The following STARD13 variants were observed in gnomAD, a reference collection of about 807,000 sequenced individuals.
The protein encoded by STARD13 is StAR related lipid transfer domain containing 13.
STARD13 carries 62 observed loss-of-function variants against 106.4 expected under a neutral mutation model. The observed-to-expected ratio is 0.58, with a 90% CI of 0.48 to 0.72. The LOEUF (loss-of-function observed/expected upper bound fraction) is 0.72. Among genes scored for constraint, STARD13 ranks in the 30% least tolerant of loss-of-function variants. The pLI, the probability that STARD13 is intolerant of heterozygous loss-of-function variation, is 0.00. For synonymous variants in STARD13, 565 were observed against 553.0 expected (o/e 1.02, Z -0.31); for missense variants, 1,387 against 1,424.0 (o/e 0.97, Z 0.42).
chr13:33,423,859 C>T, the STARD13 span, among the ~76,000 whole-genome samples: 5 of 152,164 alleles, frequency 3.3e-5, no homozygotes, highest in Non-Finnish European at 5.9e-5. Flanking sequence ...AAACCAAACA[C>T]GGCATGTTCT....
the STARD13 span, among the ~76,000 whole-genome samples, chr13:33,449,662 A>G: frequency 2.6e-5 from 4 of 152,184 alleles, no homozygotes; most frequent in African/African-American, 9.6e-5. Context: ...ATTTGTTAGC[A>G]ATTGCATTGA....
chr13:33,543,467 C>T, the STARD13 span, among the ~76,000 whole-genome samples: 4 of 152,150 alleles, frequency 2.6e-5, no homozygotes, highest in South Asian at 8.3e-4. Context: ...AAAATCAACA[C>T]ATTTTCCTTT....
At chr13:33,277,152 A>G (rs1208118581) in intron 1 of STARD13, 1 of 152,040 alleles carries the variant, frequency 6.6e-6, no homozygotes, top group African/African-American at 2.4e-5. Flanking sequence ...AATGACCACC[A>G]TGGTCTTGAG....
At chr13:33,353,004 A>T (rs1346372374), upstream of STARD13, among the ~76,000 whole-genome samples, 1 of 152,112 alleles carries the variant, frequency 6.6e-6, no homozygotes, top group African/African-American at 2.4e-5. Flanking sequence ...ATCGCAGCGG[A>T]AGAGGTGTTG....
At chr13:33,113,570 T>C (rs41292183) in intron 8 of STARD13, 208 of 516,596 alleles carry the variant, frequency 4.0e-4, no homozygotes, top group Admixed American at 9.6e-4. Context: ...TCCCAGGACT[T>C]GCTTTGCAGG....
chr13:33,207,568 G>A (rs1329619805), intron 1 of STARD13, among the ~76,000 whole-genome samples: 2 of 152,178 alleles, frequency 1.3e-5, no homozygotes, highest in African/African-American at 4.8e-5. Flanking sequence ...CTGAGTAACT[G>A]AAAAGTAACA....
At position 33,212,997 on chromosome 13, in the gene STARD13, C is replaced by T. The variant is rs917772499; in HGVS notation, c.170-45375G>A. 7.2e-5 allele frequency among the ~76,000 whole-genome samples: 11 copies of T among 152,282 alleles called. No homozygotes were observed. The South Asian group carries it at 2.3e-3, about 32-fold the overall frequency. On this transcript the variant is annotated intron_variant, in intron 1 of 13. Transcript: ENST00000336934. ...GCTACGTTCTTGTTTTGAAGCAAAT[C>T]AAGGCAATGTACTTGCTAGTTGAGT...
chr13:33,541,489 G>A, the STARD13 span, among the ~76,000 whole-genome samples: 16 of 152,110 alleles, frequency 1.1e-4, no homozygotes, highest in Non-Finnish European at 1.5e-4. Context: ...TACTCCTCAC[G>A]TCACAGCAGC....
chr13:33,592,374 GTTATTTCAGACCTGAGA>G, the STARD13 span, among the ~76,000 whole-genome samples: 1 of 152,150 alleles, frequency 6.6e-6, no homozygotes, highest in East Asian at 1.9e-4. Flanking sequence ...GGCCCAACAG[GTTATTTCAGACCTGAGA>G]TCTGGAGGAT....
chr13:33,532,025 C>T, the STARD13 span, among the ~76,000 whole-genome samples: 2 of 152,224 alleles, frequency 1.3e-5, no homozygotes, highest in South Asian at 4.1e-4. Context: ...ATACTATTTT[C>T]TCTTCCTCTT....
At chr13:33,204,439 G>A (rs1338332432) in intron 1 of STARD13, among the ~76,000 whole-genome samples, 1 of 152,150 alleles carries the variant, frequency 6.6e-6, no homozygotes, top group East Asian at 1.9e-4. Flanking sequence ...CTAAGCTAAT[G>A]AAAAGACAGT....
At chr13:33,241,901 T>A (rs1257178419) in intron 1 of STARD13, among the ~76,000 whole-genome samples, 1 of 152,136 alleles carries the variant, frequency 6.6e-6, no homozygotes, top group Non-Finnish European at 1.5e-5. Flanking sequence ...AACCTCCACC[T>A]CCCAGCCGCC....
chr13:33,475,961 T>C, the STARD13 span, among the ~76,000 whole-genome samples: 3 of 150,020 alleles, frequency 2.0e-5, no homozygotes, highest in African/African-American at 4.9e-5. Flanking sequence ...GTCTCAAAAA[T>C]AAAAAAAAGA....
the STARD13 span, among the ~76,000 whole-genome samples, chr13:33,591,081 T>C: frequency 6.6e-6 from 1 of 152,266 alleles, no homozygotes; most frequent in Non-Finnish European, 1.5e-5. Flanking sequence ...CTTGCCTGGC[T>C]CTTGCCAGTA....
chr13:33,473,552 T>C, the STARD13 span, among the ~76,000 whole-genome samples: 1 of 152,174 alleles, frequency 6.6e-6, no homozygotes, highest in African/African-American at 2.4e-5. Flanking sequence ...GTCATCTCAG[T>C]GATTGGCTTT....
At chr13:33,473,871 C>T in the STARD13 span, among the ~76,000 whole-genome samples, 2 of 152,262 alleles carry the variant, frequency 1.3e-5, no homozygotes, top group African/African-American at 2.4e-5. Flanking sequence ...CTGCTCCTCT[C>T]GATTTGGGAA....
At chr13:33,158,460 C>G (rs1358492031) in intron 3 of STARD13, 1 of 152,228 alleles carries the variant, frequency 6.6e-6, no homozygotes, top group African/African-American at 2.4e-5. Flanking sequence ...TTTGACTCTC[C>G]CATCTTCATC....
the STARD13 span, among the ~76,000 whole-genome samples, chr13:33,610,788 C>T: frequency 1.3e-5 from 2 of 152,182 alleles, no homozygotes; most frequent in Admixed American, 1.3e-4. Context: ...GGACGCAGTG[C>T]TCAGCACGCC....
chr13:33,107,269 C>T (rs758867358), intron 12 of STARD13, among the ~76,000 whole-genome samples: 14 of 152,132 alleles, frequency 9.2e-5, no homozygotes, highest in African/African-American at 3.4e-4. Context: ...CTCACTCATT[C>T]GATTCATTCA....
Sources: allele counts gnomAD v4.1 joint callset (sites outside exome capture counted in the v4.1 genomes callset), GRCh38; gene constraint gnomAD v4.1.1; transcripts MANE v1.5; gene names NCBI Gene and HGNC (gene_info 2026-07-23, HGNC 2026-07-21).